CAMKMT: variants seen among roughly 807,000 people sequenced by gnomAD.
CAMKMT encodes the protein CaM KMT.
A neutral mutation model predicts 48.0 loss-of-function variants in CAMKMT; 53 were observed. That is an observed-to-expected ratio of 1.10 (90% CI 0.89 to 1.39). CAMKMT has a LOEUF of 1.39. CAMKMT is among the 40% of genes most tolerant of loss of function. CAMKMT has a pLI of 0.00. For missense variants in CAMKMT, 428 were observed against 402.7 expected (o/e 1.06, Z -0.54); for synonymous variants, 165 against 152.3 (o/e 1.08, Z -0.61).
intron 3 of CAMKMT, among the ~76,000 whole-genome samples, chr2:44,688,864 A>C (rs907762818): frequency 6.6e-6 from 1 of 152,146 alleles, no homozygotes; most frequent in East Asian, 1.9e-4. Context: ...TGTTTAATGA[A>C]TGTGTTCTGT....
chr2:44,489,999 C>A (rs1258611299), intron 3 of CAMKMT, among the ~76,000 whole-genome samples: 1 of 151,986 alleles, frequency 6.6e-6, no homozygotes, highest in African/African-American at 2.4e-5. Context: ...TTAATACACA[C>A]ACACGCACAC....
intron 3 of CAMKMT, among the ~76,000 whole-genome samples, chr2:44,684,440 T>C (rs1676216713): frequency 6.6e-6 from 1 of 152,216 alleles, no homozygotes; most frequent in Non-Finnish European, 1.5e-5. Context: ...AGAAAACAAT[T>C]TTCTATATGG....
At chr2:44,698,945 A>C (rs777959597) in intron 3 of CAMKMT, among the ~76,000 whole-genome samples, 44 of 152,198 alleles carry the variant, frequency 2.9e-4, no homozygotes, top group Non-Finnish European at 5.0e-4. Context: ...CCAGGAATTG[A>C]TTCCATCTTA....
rs1301353586 is a variant in CAMKMT at position 44,679,674 on chromosome 2, C to T, written c.377-24609C>T. 3.9e-5 allele frequency among the ~76,000 whole-genome samples: 6 copies of T among 152,318 alleles called. 1 individual carries two copies. In the East Asian group the frequency reaches 1.2e-3, roughly 29 times the overall value. On this transcript the variant is annotated intron_variant, in intron 3 of 10. Coordinates refer to ENST00000378494, the MANE Select transcript of CAMKMT (RefSeq NM_024766.5). ...TTATAGTTATGAGAAAATATTCCAG[C>T]CTTCATTGCCTTCCACAAATAAGTT...
At chr2:44,607,570 A>G (rs566579203) in intron 3 of CAMKMT, among the ~76,000 whole-genome samples, 1 of 152,300 alleles carries the variant, frequency 6.6e-6, no homozygotes, top group South Asian at 2.1e-4. Flanking sequence ...TTGAAAGACT[A>G]GGAAATACTA....
At chr2:44,614,880 A>C (rs2103909014) in intron 3 of CAMKMT, among the ~76,000 whole-genome samples, 1 of 132,570 alleles carries the variant, frequency 7.5e-6, no homozygotes. Flanking sequence ...CCCGTGCACC[A>C]CCCAGTCTGC....
intron 3 of CAMKMT, among the ~76,000 whole-genome samples, chr2:44,492,214 A>G (rs1669541568): frequency 6.6e-6 from 1 of 152,118 alleles, no homozygotes; most frequent in African/African-American, 2.4e-5. Flanking sequence ...ATAAAGGAGG[A>G]TATTCACCAG....
intron 3 of CAMKMT, among the ~76,000 whole-genome samples, chr2:44,658,334 AT>A (rs1674486390): frequency 6.6e-6 from 1 of 152,206 alleles, no homozygotes; most frequent in Admixed American, 6.5e-5. Flanking sequence ...TTACTTATGA[AT>A]TTTATTTCAG....
intron 3 of CAMKMT, among the ~76,000 whole-genome samples, chr2:44,492,488 G>C (rs540243919): frequency 1.3e-5 from 2 of 152,136 alleles, no homozygotes; most frequent in South Asian, 4.2e-4. Flanking sequence ...TATTTTAAAA[G>C]TTAAAAAAAT....
chr2:44,634,800 CAAA>C (rs4039616), intron 3 of CAMKMT, among the ~76,000 whole-genome samples: 9 of 110,172 alleles, frequency 8.2e-5, no homozygotes, highest in Non-Finnish European at 1.2e-4. Context: ...GAGGGCTAGC[CAAA>C]AAAAAAAAAG....
intron 3 of CAMKMT, among the ~76,000 whole-genome samples, chr2:44,556,022 C>G (rs1265976388): frequency 6.6e-6 from 1 of 152,116 alleles, no homozygotes; most frequent in Admixed American, 6.5e-5. Context: ...AAAATCAAGA[C>G]ATGGGGCAGC....
intron 3 of CAMKMT, among the ~76,000 whole-genome samples, chr2:44,631,196 G>A (rs538618240): frequency 3.7e-4 from 56 of 152,142 alleles, no homozygotes; most frequent in Admixed American, 2.2e-3. Context: ...GAACTGAACA[G>A]TGAGACCACA....
intron 3 of CAMKMT, among the ~76,000 whole-genome samples, chr2:44,613,173 A>G (rs932597707): frequency 1.3e-5 from 2 of 152,178 alleles, no homozygotes; most frequent in African/African-American, 4.8e-5. Flanking sequence ...TTTAACTCTT[A>G]TGTTTGTTTT....
At chr2:44,685,543 T>C (rs1266853098) in intron 3 of CAMKMT, among the ~76,000 whole-genome samples, 3 of 152,190 alleles carry the variant, frequency 2.0e-5, no homozygotes, top group East Asian at 3.8e-4. Flanking sequence ...ACAAAGCTTA[T>C]GAATCTCTGC....
At chr2:44,626,637 A>G (rs2103952405) in intron 3 of CAMKMT, among the ~76,000 whole-genome samples, 1 of 152,216 alleles carries the variant, frequency 6.6e-6, no homozygotes, top group African/African-American at 2.4e-5. Context: ...GGGGCTAGCT[A>G]GCTCTTTGGG....
chr2:44,382,689 C>G (rs1050308252), intron 2 of CAMKMT, among the ~76,000 whole-genome samples: 92 of 152,122 alleles, frequency 6.0e-4, no homozygotes, highest in African/African-American at 2.1e-3. Context: ...CTGTGTTAGC[C>G]TGGATGGTCT....
chr2:44,666,371 C>G (rs1674967902), intron 3 of CAMKMT, among the ~76,000 whole-genome samples: 1 of 152,160 alleles, frequency 6.6e-6, no homozygotes, highest in African/African-American at 2.4e-5. Context: ...CATTTTCCCA[C>G]TGCACTATCT....
intron 4 of CAMKMT, chr2:44,705,282 C>A: frequency 1.2e-6 from 1 of 861,268 alleles, no homozygotes; most frequent in Non-Finnish European, 1.4e-6. Context: ...CCCACCTCTC[C>A]CTCTCTTTTA....
chr2:44,442,949 A>G (rs966763047), intron 3 of CAMKMT, among the ~76,000 whole-genome samples: 12 of 152,224 alleles, frequency 7.9e-5, no homozygotes, highest in African/African-American at 2.9e-4. Context: ...TTTGAAATGT[A>G]CTTGAATTCT....
Sources: allele counts gnomAD v4.1 joint callset (sites outside exome capture counted in the v4.1 genomes callset), GRCh38; gene constraint gnomAD v4.1.1; transcripts MANE v1.5; gene names NCBI Gene and HGNC (gene_info 2026-07-23, HGNC 2026-07-21).